Variants in ATG14 observed in about 807,000 individuals in gnomAD.
The protein encoded by ATG14 is beclin 1-associated autophagy-related key regulator.
A neutral mutation model predicts 60.4 loss-of-function variants in ATG14; 35 were observed. That is an observed-to-expected ratio of 0.58 (90% CI 0.44 to 0.77). The LOEUF (loss-of-function observed/expected upper bound fraction) is 0.77. ATG14 is among the 30% of genes least tolerant of loss of function. ATG14 has a pLI of 0.00. For missense variants in ATG14, 647 were observed against 626.3 expected (o/e 1.03, Z -0.35); for synonymous variants, 234 against 228.8 (o/e 1.02, Z -0.21).
intron 4 of ATG14, among the ~76,000 whole-genome samples, chr14:55,388,690 C>T (rs1347370122): frequency 6.6e-6 from 1 of 152,196 alleles, no homozygotes; most frequent in Non-Finnish European, 1.5e-5. Flanking sequence ...CATAATTCAA[C>T]AACAACAAGC....
At chr14:55,405,563 AT>A (rs1885475080) in intron 1 of ATG14, among the ~76,000 whole-genome samples, 1 of 152,210 alleles carries the variant, frequency 6.6e-6, no homozygotes, top group African/African-American at 2.4e-5. Context: ...GTATCCTTAG[AT>A]TAATTCTCAG....
intron 5 of ATG14, among the ~76,000 whole-genome samples, chr14:55,384,995 C>T (rs1404244132): frequency 6.6e-6 from 1 of 152,184 alleles, no homozygotes. Context: ...TCTGTCCCAC[C>T]AGGGGTTATC....
chr14:55,382,378 G>T (rs1594778675), intron 5 of ATG14, among the ~76,000 whole-genome samples, 187 bp from the exon 6 acceptor site: 1 of 152,152 alleles, frequency 6.6e-6, no homozygotes, highest in African/African-American at 2.4e-5. Flanking sequence ...AGTGACAGAT[G>T]TAATCATAGC....
intron 4 of ATG14, among the ~76,000 whole-genome samples, chr14:55,389,216 A>C (rs1012869050): frequency 6.6e-6 from 1 of 152,254 alleles, no homozygotes; most frequent in Admixed American, 6.5e-5. Context: ...TCATCAGAGA[A>C]ACACGCATGA....
intron 9 of ATG14, among the ~76,000 whole-genome samples, chr14:55,371,921 T>A (rs1210536870): frequency 2.0e-5 from 3 of 152,258 alleles, no homozygotes; most frequent in Non-Finnish European, 2.9e-5. Context: ...GACTTTCTAC[T>A]GCCCCTTGAA....
At chr14:55,386,593 A>G (rs892085166) in intron 4 of ATG14, among the ~76,000 whole-genome samples, 3 of 152,230 alleles carry the variant, frequency 2.0e-5, no homozygotes, top group Non-Finnish European at 4.4e-5. Context: ...AGAGCTCTGA[A>G]AAGTCACAGT....
intron 1 of ATG14, among the ~76,000 whole-genome samples, chr14:55,408,584 A>G (rs906411988): frequency 1.3e-5 from 2 of 152,120 alleles, no homozygotes; most frequent in Admixed American, 6.5e-5. Context: ...CAGCCTGGAC[A>G]AGATAGGGAG....
At chr14:55,395,652 G>C (rs571930299) in intron 3 of ATG14, among the ~76,000 whole-genome samples, 2 of 152,152 alleles carry the variant, frequency 1.3e-5, no homozygotes, top group Non-Finnish European at 2.9e-5. Context: ...CATTTGGAGT[G>C]TGTATGATAA....
intron 1 of ATG14, among the ~76,000 whole-genome samples, chr14:55,401,435 G>T (rs1201384464): frequency 6.6e-6 from 1 of 151,766 alleles, no homozygotes; most frequent in Non-Finnish European, 1.5e-5. Flanking sequence ...TAGTTTTTGT[G>T]CTGTTTTCTG....
In ATG14 at chr14:55,378,034, G is replaced by A. The variant is rs540139563; in HGVS notation, c.1036C>T (p.Arg346Ter). Residue 346 changes from arginine to a stop codon, truncating the protein, a stop_gained, in exon 8 of 10, where the codon CGA (arginine) becomes TGA (stop). Coordinates refer to ENST00000247178, the MANE Select transcript of ATG14 (RefSeq NM_014924.5). LOFTEE classifies it high-confidence loss of function. Reference protein sequence around the residue: ...GENLSKQKFTRAVKKLNANIL... With the variant: ...GENLSKQKFT ...TTTGCATTCAGTTTCTTCACTGCTCGAGTAAATTTCTGCTTGCTTAGATTT... is the reference window on the plus strand; with the variant it reads ...TTTGCATTCAGTTTCTTCACTGCTCAAGTAAATTTCTGCTTGCTTAGATTT... 6.2e-7 allele frequency: 1 copy of A among 1,612,900 alleles called. No individual in the cohort carries two copies. The highest frequency in any genetic ancestry group is 8.5e-7 in the Non-Finnish European group (1 of 1,179,162).
At chr14:55,383,635 G>T (rs1386829797) in intron 5 of ATG14, among the ~76,000 whole-genome samples, 1 of 151,902 alleles carries the variant, frequency 6.6e-6, no homozygotes, top group African/African-American at 2.4e-5. Context: ...CCATCATGAT[G>T]ACTCATGCCT....
At chr14:55,371,688 C>G (rs889481351) in intron 9 of ATG14, among the ~76,000 whole-genome samples, 1 of 152,110 alleles carries the variant, frequency 6.6e-6, no homozygotes, top group Non-Finnish European at 1.5e-5. Flanking sequence ...CCTGTAGTCC[C>G]GGCTACTCAG....
rs2140158181 is a variant in ATG14 at position 55,411,654 on chromosome 14, T to G, written c.169A>C (p.Lys57Gln). Reference protein sequence around the residue: ...NTTRRRLTCAKCVQSGDFVYF... With the variant: ...NTTRRRLTCAQCVQSGDFVYF... The stretch of plus-strand genomic sequence containing the variant: ...ACGAAATCGCCGCTCTGAACGCATT[T>G]GGCGCAGGTCAGCCGCCGGCGGGTA... The change falls in exon 1 of 10, where the codon AAA (lysine) becomes CAA (glutamine). Residue 57 changes from lysine (K) to glutamine (Q), a missense_variant. Physicochemically the swap from Lys to Gln is moderately conservative, Grantham distance 53. Transcript: ENST00000247178. The G allele has an allele frequency of 1.9e-6, 3 of 1,613,506 alleles. No homozygotes were observed. The highest frequency in any genetic ancestry group is 2.5e-6 in the Non-Finnish European group (3 of 1,179,930).
rs768360445 is a variant in ATG14 at position 55,368,107 on chromosome 14, AAAT to A, written c.*1509_*1511del. 5 of 128,738 alleles carry A rather than the reference AAAT, an allele frequency of 3.9e-5. No individual in the cohort carries two copies. The highest frequency in any genetic ancestry group is 7.2e-5 in the Non-Finnish European group (4 of 55,204). The allele number at this position is 128,738 out of a possible 1,614,324, so 8.0% of individuals were successfully genotyped here. ...CATAGGATTTTTTTGCAGTTATTAAAAATAAACTACTTACATATTTGTACATAA... is the reference window on the plus strand; with the variant it reads ...CATAGGATTTTTTTGCAGTTATTAAAAAACTACTTACATATTTGTACATAA... On this transcript the variant is annotated 3_prime_UTR_variant, in exon 10 of 10. Coordinates refer to ENST00000247178, the MANE Select transcript of ATG14 (RefSeq NM_014924.5).
intron 5 of ATG14, among the ~76,000 whole-genome samples, chr14:55,384,835 G>A (rs1382427362): frequency 7.2e-5 from 11 of 152,188 alleles, no homozygotes; most frequent in Non-Finnish European, 8.8e-5. Context: ...GGAAGCCTTC[G>A]GTAGTAGTTT....
chr14:55,373,950 G>A (rs1884871009), intron 9 of ATG14, among the ~76,000 whole-genome samples: 1 of 152,178 alleles, frequency 6.6e-6, no homozygotes, highest in Admixed American at 6.5e-5. Flanking sequence ...GGGGACTCCT[G>A]AAGTTCTACT....
Position 55,385,882 on chromosome 14 carries a change from G to C in ATG14, c.624C>G (p.Ile208Met), listed in dbSNP as rs764196778. Residue 208 changes from isoleucine to methionine, a missense_variant, in exon 5 of 10, where the codon ATC becomes ATG. Physicochemically the swap from Ile to Met is conservative, Grantham distance 10 (BLOSUM62 1). Transcript: ENST00000247178. ...ILELTSVIFP[I>M]EEVKTGVRDP... Reference sequence around the variant, plus strand: ...ACCTCACACCCGTCTTTACTTCCTCGATTGGAAAAATGACAGAGGTGAGCT... The same window carrying C: ...ACCTCACACCCGTCTTTACTTCCTCCATTGGAAAAATGACAGAGGTGAGCT... 6.2e-7 allele frequency: 1 copy of C among 1,611,832 alleles called. No homozygotes were observed. Among genetic ancestry groups the C allele is most frequent in the Admixed American group, 1.7e-5 (1 of 59,778 alleles).
intron 1 of ATG14, among the ~76,000 whole-genome samples, chr14:55,404,098 T>G (rs1214124157): frequency 6.6e-6 from 1 of 152,150 alleles, no homozygotes; most frequent in East Asian, 1.9e-4. Context: ...TTACTTGAGG[T>G]AGATCAGCTC....
At chr14:55,395,214 C>A in intron 3 of ATG14, 1 of 379,410 alleles carries the variant, frequency 2.6e-6, no homozygotes, top group Non-Finnish European at 5.3e-6. Flanking sequence ...TTCAGTGGAG[C>A]TGACCTTCCT....
Sources: allele counts gnomAD v4.1 joint callset (sites outside exome capture counted in the v4.1 genomes callset), GRCh38; gene constraint gnomAD v4.1.1; transcripts MANE v1.5; gene names NCBI Gene and HGNC (gene_info 2026-07-23, HGNC 2026-07-21).